Variants in KDM4C observed in about 807,000 individuals in gnomAD.
KDM4C encodes the protein lysine-specific demethylase 4C.
KDM4C carries 81 observed loss-of-function variants against 129.3 expected under a neutral mutation model. That is an observed-to-expected ratio of 0.63 (90% CI 0.52 to 0.75). The LOEUF is 0.75. Ranked by LOEUF, KDM4C falls within the 30% of genes least tolerant of loss-of-function variation. KDM4C has a pLI of 0.00. For synonymous variants in KDM4C, 573 were observed against 456.1 expected, an observed-to-expected ratio of 1.26 and a Z score of -3.26; for missense variants, 1,457 against 1,304.0, an observed-to-expected ratio of 1.12 and a Z score of -1.81.
intron 4 of KDM4C, among the ~76,000 whole-genome samples, chr9:6,845,885 G>C (rs909561064): frequency 6.6e-6 from 1 of 152,210 alleles, no homozygotes; most frequent in African/African-American, 2.4e-5. Flanking sequence ...ACTTGGGCTG[G>C]TGTGCAGCCT....
chr9:7,098,719 T>C (rs148900326), intron 17 of KDM4C, among the ~76,000 whole-genome samples: 8 of 152,324 alleles, frequency 5.3e-5, no homozygotes, highest in African/African-American at 1.9e-4. Context: ...ATTAATCTAC[T>C]CTCTCTTCTC....
At chr9:6,747,051 G>C (rs893208802) in intron 1 of KDM4C, among the ~76,000 whole-genome samples, 2 of 149,368 alleles carry the variant, frequency 1.3e-5, no homozygotes, top group African/African-American at 2.5e-5. Context: ...AAATTAGTCA[G>C]GTGTGGTGGT....
chr9:6,984,678 T>C (rs80062257), intron 10 of KDM4C, among the ~76,000 whole-genome samples: 5 of 150,490 alleles, frequency 3.3e-5, no homozygotes, highest in Admixed American at 3.3e-4. Flanking sequence ...TTTTTTTTTT[T>C]CGTGCAACTC....
chr9:6,840,674 G>A (rs1836755453), intron 4 of KDM4C, among the ~76,000 whole-genome samples: 1 of 152,208 alleles, frequency 6.6e-6, no homozygotes, highest in Non-Finnish European at 1.5e-5. Flanking sequence ...TGGGATTACA[G>A]GCATGAGCCA....
chr9:7,019,490 C>T (rs2132230642), intron 15 of KDM4C, among the ~76,000 whole-genome samples: 1 of 151,686 alleles, frequency 6.6e-6, no homozygotes. Flanking sequence ...TAAGGTTATT[C>T]ATCAGGAACG....
intron 8 of KDM4C, among the ~76,000 whole-genome samples, chr9:6,926,824 GTA>G (rs1822657517): frequency 6.6e-6 from 1 of 152,206 alleles, no homozygotes; most frequent in South Asian, 2.1e-4. Flanking sequence ...CTTATGGCTT[GTA>G]GTTCAGCAGT....
chr9:6,764,306 G>A (rs566695022), intron 1 of KDM4C, among the ~76,000 whole-genome samples: 1 of 152,180 alleles, frequency 6.6e-6, no homozygotes, highest in Non-Finnish European at 1.5e-5. Context: ...GACTATTAGG[G>A]TATGAGCACT....
At chr9:7,004,913 G>A (rs1023628179) in intron 12 of KDM4C, among the ~76,000 whole-genome samples, 4 of 152,196 alleles carry the variant, frequency 2.6e-5, no homozygotes, top group African/African-American at 9.7e-5. Context: ...CCCAATGACT[G>A]ATGAATAAAG....
chr9:7,143,450 A>G (rs796545144), intron 19 of KDM4C, among the ~76,000 whole-genome samples: 4 of 152,334 alleles, frequency 2.6e-5, no homozygotes, highest in African/African-American at 9.6e-5. Flanking sequence ...TAACTGTCAG[A>G]AAAAGGGCAT....
intron 8 of KDM4C, among the ~76,000 whole-genome samples, chr9:6,917,844 A>G (rs946699796): frequency 2.0e-5 from 3 of 152,154 alleles, no homozygotes; most frequent in Admixed American, 2.0e-4. Flanking sequence ...TTATGGGTCT[A>G]AGTGAGGCCA....
rs112796081 is a variant in KDM4C, at chr9:7,123,203, C to T, written c.2611-4863C>T. ...CTAACCAGCCAATCTGCATAAATTT[C>T]ATATCCTAAGCAGGAAGAAAATGGT... is the stretch of plus-strand genomic sequence containing the variant. On this transcript the variant is annotated intron_variant, in intron 18 of 21. Coordinates refer to ENST00000381309, the MANE Select transcript of KDM4C (RefSeq NM_015061.6). Among the ~76,000 whole-genome samples, 1,151 of 152,272 alleles carry T rather than the reference C, an allele frequency of 7.6e-3. 10 individuals carry two copies. Among genetic ancestry groups the T allele is most frequent in the Non-Finnish European group, 0.013 (869 of 68,018 alleles).
At chr9:6,772,398 G>C (rs545153559) in intron 1 of KDM4C, among the ~76,000 whole-genome samples, 11 of 151,854 alleles carry the variant, frequency 7.2e-5, no homozygotes, top group Non-Finnish European at 1.5e-4. Flanking sequence ...TCTTGCTCTT[G>C]TTGCCCAGGC....
chr9:7,059,401 C>G (rs1186558935), intron 17 of KDM4C, among the ~76,000 whole-genome samples: 1 of 152,160 alleles, frequency 6.6e-6, no homozygotes, highest in Non-Finnish European at 1.5e-5. Context: ...CCGCGCCTAG[C>G]CCTCGAGAGT....
intron 12 of KDM4C, among the ~76,000 whole-genome samples, chr9:6,993,101 C>G (rs546341588): frequency 1.3e-5 from 2 of 152,256 alleles, no homozygotes; most frequent in South Asian, 4.1e-4. Flanking sequence ...TCAGGAAGGA[C>G]TTCGTGACTC....
intron 1 of KDM4C, among the ~76,000 whole-genome samples, chr9:6,738,723 G>A (rs1485330529): frequency 1.3e-5 from 2 of 152,028 alleles, no homozygotes; most frequent in Non-Finnish European, 2.9e-5. Context: ...AGGATTACAG[G>A]GGCATGCCAC....
chr9:6,923,798 G>T (rs1821978149), intron 8 of KDM4C, among the ~76,000 whole-genome samples: 1 of 152,176 alleles, frequency 6.6e-6, no homozygotes, highest in Admixed American at 6.5e-5. Context: ...CTGTGTCAAT[G>T]ACTGCAGAAT....
At chr9:7,046,485 G>T (rs1829413171) in intron 15 of KDM4C, among the ~76,000 whole-genome samples, 1 of 151,930 alleles carries the variant, frequency 6.6e-6, no homozygotes, top group East Asian at 1.9e-4. Flanking sequence ...AGAGCACAAG[G>T]CTACACCGTC....
At chr9:7,037,456 C>G (rs1162400036) in intron 15 of KDM4C, among the ~76,000 whole-genome samples, 1 of 152,176 alleles carries the variant, frequency 6.6e-6, no homozygotes, top group African/African-American at 2.4e-5. Context: ...GTTCTCACCA[C>G]TGTCAATGTT....
At chr9:7,173,015 C>T (rs1271429046) in intron 21 of KDM4C, among the ~76,000 whole-genome samples, 1 of 152,258 alleles carries the variant, frequency 6.6e-6, no homozygotes, top group East Asian at 1.9e-4. Flanking sequence ...CACATGCCCT[C>T]ACTCAGCAAA....
Sources: allele counts gnomAD v4.1 joint callset (sites outside exome capture counted in the v4.1 genomes callset), GRCh38; gene constraint gnomAD v4.1.1; transcripts MANE v1.5; gene names NCBI Gene and HGNC (gene_info 2026-07-23, HGNC 2026-07-21).